The following MYO1B variants were observed in gnomAD, a reference collection of about 807,000 sequenced individuals.
MYO1B encodes unconventional myosin-Ib.
A neutral mutation model predicts 159.7 loss-of-function variants in MYO1B; 72 were observed. The observed-to-expected ratio is 0.45, with a 90% CI of 0.37 to 0.55. MYO1B has a LOEUF of 0.55. Ranked by LOEUF, MYO1B falls within the 20% of genes least tolerant of loss-of-function variation. The pLI, the probability that MYO1B is intolerant of heterozygous loss-of-function variation, is 0.00. For synonymous variants in MYO1B, 468 were observed against 473.8 expected, an observed-to-expected ratio of 0.99 and a Z score of 0.16; for missense variants, 1,062 against 1,364.8, an observed-to-expected ratio of 0.78 and a Z score of 3.50.
At chr2:191,410,144 C>T (rs1416137267) in intron 26 of MYO1B, among the ~76,000 whole-genome samples, 1 of 152,124 alleles carries the variant, frequency 6.6e-6, no homozygotes, top group East Asian at 1.9e-4. Flanking sequence ...TTGAGTCTAA[C>T]CCAGAAACTG....
chr2:191,290,703 T>C (rs1456433968), intron 2 of MYO1B, among the ~76,000 whole-genome samples: 2 of 152,230 alleles, frequency 1.3e-5, no homozygotes, highest in African/African-American at 4.8e-5. Context: ...TTCACAGCTA[T>C]AGTACGGCCC....
intron 7 of MYO1B, among the ~76,000 whole-genome samples, chr2:191,358,897 A>G (rs1399967961): frequency 6.6e-6 from 1 of 152,208 alleles, no homozygotes; most frequent in Non-Finnish European, 1.5e-5. Flanking sequence ...CTGGTGCTAA[A>G]CTTCTTCCCA....
At chr2:191,332,424 A>G (rs545604997) in intron 4 of MYO1B, among the ~76,000 whole-genome samples, 1 of 151,958 alleles carries the variant, frequency 6.6e-6, no homozygotes, top group East Asian at 1.9e-4. Context: ...GAACAAAATT[A>G]TTTTAAACTT....
chr2:191,266,281 C>A (rs1687134542), intron 1 of MYO1B, among the ~76,000 whole-genome samples: 1 of 152,184 alleles, frequency 6.6e-6, no homozygotes, highest in South Asian at 2.1e-4. Flanking sequence ...GGGAGAAATT[C>A]ATCTAATGAG....
At chr2:191,302,486 ATTTTT>A (rs1011169168) in intron 3 of MYO1B, among the ~76,000 whole-genome samples, 19 of 152,136 alleles carry the variant, frequency 1.2e-4, no homozygotes, top group African/African-American at 4.3e-4. Context: ...TATAATGAGA[ATTTTT>A]TTCATTTTTT....
intron 3 of MYO1B, among the ~76,000 whole-genome samples, chr2:191,296,836 C>T (rs1025648286): frequency 6.6e-6 from 1 of 152,076 alleles, no homozygotes; most frequent in Non-Finnish European, 1.5e-5. Context: ...TAAGAGATGC[C>T]GAAATGATTT....
At chr2:191,418,482 AT>A (rs1159016855) in intron 30 of MYO1B, among the ~76,000 whole-genome samples, 4,126 of 80,804 alleles carry the variant, frequency 0.051, 48 homozygotes, top group Middle Eastern at 0.15. Context: ...TCTTTAGTGG[AT>A]TTTTTTTTTT....
At chr2:191,322,609 T>C (rs1690799019) in intron 3 of MYO1B, among the ~76,000 whole-genome samples, 1 of 152,188 alleles carries the variant, frequency 6.6e-6, no homozygotes, top group Non-Finnish European at 1.5e-5. Flanking sequence ...TAAGCTTCTT[T>C]GTCACAAGGA....
chr2:191,343,327 C>T (rs1029108505), intron 5 of MYO1B, among the ~76,000 whole-genome samples: 6 of 152,152 alleles, frequency 3.9e-5, no homozygotes, highest in Non-Finnish European at 4.4e-5. Flanking sequence ...GCCCTGTTGT[C>T]GTTTGTACTC....
At position 191,424,840 on chromosome 2, in the gene MYO1B, C is replaced by A. The variant is rs1335832158; in HGVS notation, c.*880C>A. 2 of 152,474 alleles carry A rather than the reference C, an allele frequency of 1.3e-5. No homozygotes were observed. Among genetic ancestry groups the A allele is most frequent in the Non-Finnish European group, 2.9e-5 (2 of 67,970 alleles). The allele number at this position is 152,474 out of a possible 1,614,324, so 9.4% of individuals were successfully genotyped here. On this transcript the variant is annotated 3_prime_UTR_variant, in exon 31 of 31. Transcript: ENST00000392318. ...TTGAGTAGATATTTTAAACACCTAA[C>A]AAAGTAAAGGGCTAAAAGCCATTCA...
At chr2:191,376,299 A>G (rs1694707107) in intron 13 of MYO1B, among the ~76,000 whole-genome samples, 1 of 152,148 alleles carries the variant, frequency 6.6e-6, no homozygotes. Flanking sequence ...AGGATTTTTT[A>G]AGTTTACATT....
chr2:191,286,613 G>T (rs563618159), intron 2 of MYO1B, among the ~76,000 whole-genome samples: 1 of 152,246 alleles, frequency 6.6e-6, no homozygotes, highest in South Asian at 2.1e-4. Flanking sequence ...GTGCTTATCT[G>T]AAAATTCATC....
chr2:191,368,676 C>T (rs940403876), intron 11 of MYO1B, among the ~76,000 whole-genome samples: 7 of 152,066 alleles, frequency 4.6e-5, no homozygotes, highest in African/African-American at 1.7e-4. Flanking sequence ...TTTAAATACT[C>T]AAGTGATTAG....
In MYO1B at chr2:191,398,472, G is replaced by A. The variant is rs867211663; in HGVS notation, c.2296-1910G>A. On this transcript the variant is annotated intron_variant, in intron 21 of 30. Coordinates refer to ENST00000392318, the MANE Select transcript of MYO1B (RefSeq NM_001130158.3). The stretch of plus-strand genomic sequence containing the variant: ...CGGAGACGCTCCTCACTTCCCAGAC[G>A]GGGTGGCTGCCGGACGGAGGGGCTC... 5.0e-3 allele frequency among the ~76,000 whole-genome samples: 729 copies of A among 145,374 alleles called. 3 individuals are homozygous for A. Among genetic ancestry groups the A allele is most frequent in the African/African-American group, 0.018 (688 of 38,508 alleles).
intron 3 of MYO1B, among the ~76,000 whole-genome samples, chr2:191,312,063 G>GA (rs58825168): frequency 6.6e-6 from 1 of 152,086 alleles, no homozygotes; most frequent in African/African-American, 2.4e-5. Flanking sequence ...TTTAAATTTT[G>GA]AAAATCTTTG....
At chr2:191,404,091 A>T (rs184632641) in intron 24 of MYO1B, among the ~76,000 whole-genome samples, 3 of 152,230 alleles carry the variant, frequency 2.0e-5, no homozygotes, top group Non-Finnish European at 2.9e-5. Context: ...ACTTACTTGA[A>T]GTCCAAGAAT....
intron 20 of MYO1B, among the ~76,000 whole-genome samples, chr2:191,395,638 T>A (rs1052829857): frequency 6.6e-6 from 1 of 152,220 alleles, no homozygotes; most frequent in Non-Finnish European, 1.5e-5. Context: ...CTCCAGGGCG[T>A]CAGCCCTAGA....
At chr2:191,360,600 T>C (rs1264438376) in intron 7 of MYO1B, 31 bp from the exon 8 acceptor site, 5 of 1,381,526 alleles carry the variant, frequency 3.6e-6, no homozygotes, top group Admixed American at 1.9e-5. Context: ...GTGAAACAAA[T>C]GCCATACTAT....
At chr2:191,253,916 A>G (rs1358300961) in intron 1 of MYO1B, among the ~76,000 whole-genome samples, 1 of 152,202 alleles carries the variant, frequency 6.6e-6, no homozygotes, top group Non-Finnish European at 1.5e-5. Flanking sequence ...ATGTCCTTCA[A>G]TGAAATTTTT....
Sources: allele counts gnomAD v4.1 joint callset (sites outside exome capture counted in the v4.1 genomes callset), GRCh38; gene constraint gnomAD v4.1.1; transcripts MANE v1.5; gene names NCBI Gene and HGNC (gene_info 2026-07-23, HGNC 2026-07-21).